The following TSNARE1 variants were observed in gnomAD, a reference collection of about 807,000 sequenced individuals.
TSNARE1 encodes t-SNARE domain containing 1.
Under a neutral mutation model 62.0 loss-of-function variants are expected in TSNARE1, and 49 were observed. The ratio of observed to expected loss-of-function variants is 0.79; its 90% CI spans 0.63 to 1.00. The LOEUF (loss-of-function observed/expected upper bound fraction) is 1.00. Among genes scored for constraint, TSNARE1 ranks in the 50% least tolerant of loss-of-function variants. TSNARE1 has a pLI of 0.00. For missense variants in TSNARE1, 755 were observed against 700.1 expected, an observed-to-expected ratio of 1.08 and a Z score of -0.88; for synonymous variants, 328 against 294.4, an observed-to-expected ratio of 1.11 and a Z score of -1.17.
chr8:142,278,498 G>T, intron 11 of TSNARE1: 2 of 985,434 alleles, frequency 2.0e-6, no homozygotes, highest in Non-Finnish European at 2.4e-6. Context: ...GCTCTGCTTC[G>T]AAGGGTGTGC....
At chr8:142,310,493 A>G (rs1022633809) in intron 9 of TSNARE1, among the ~76,000 whole-genome samples, 23 of 151,340 alleles carry the variant, frequency 1.5e-4, no homozygotes, top group African/African-American at 5.6e-4. Flanking sequence ...CTCTGAGATC[A>G]CTCCTTTTCC....
chr8:142,309,044 T>G (rs1394792545), intron 9 of TSNARE1, among the ~76,000 whole-genome samples: 1 of 152,220 alleles, frequency 6.6e-6, no homozygotes, highest in Non-Finnish European at 1.5e-5. Flanking sequence ...TTGAAGAAAT[T>G]TATCTATTGT....
chr8:142,278,450 C>T, intron 11 of TSNARE1: 1 of 985,460 alleles, frequency 1.0e-6, no homozygotes, highest in African/African-American at 1.7e-5. Flanking sequence ...TTCCCAAAGT[C>T]CTTCCAGCAG....
intron 7 of TSNARE1, 91 bp downstream of exon 7, chr8:142,318,453 G>A: frequency 7.7e-7 from 1 of 1,304,400 alleles, no homozygotes; most frequent in Non-Finnish European, 1.1e-6. Flanking sequence ...CAGCCTCCCT[G>A]TATCCTGCCT....
At position 142,300,622 on chromosome 8, in the gene TSNARE1, T is replaced by G; in HGVS notation, c.1154A>C (p.Glu385Ala). The G allele has an allele frequency of 6.2e-7, 1 of 1,613,676 alleles. No homozygotes were observed. The highest frequency in any genetic ancestry group is 8.5e-7 in the Non-Finnish European group (1 of 1,179,928). Residue 385 changes from glutamate to alanine, a missense_variant, in exon 10 of 14, where the codon GAG becomes GCG. Transcript: ENST00000524325. ...SKQSPQAPFA[E>A]LADDEKVFNG... is the part of the protein sequence containing the mutation. ...AAAGACCTTCTCATCATCAGCCAGC[T>G]CGGCAAACGGGGCCTGGGGACTCTG...
At chr8:142,306,875 GC>G (rs1187917387) in intron 9 of TSNARE1, among the ~76,000 whole-genome samples, 2 of 152,178 alleles carry the variant, frequency 1.3e-5, no homozygotes, top group African/African-American at 4.8e-5. Flanking sequence ...AAAGGATATA[GC>G]TCTATGACTG....
rs1010951595 is a variant in TSNARE1 at position 142,392,676 on chromosome 8, T to C, written c.-40+10428A>G. Among the ~76,000 whole-genome samples the C allele has an allele frequency of 2.0e-5, 3 of 152,194 alleles. No individual in the cohort carries two copies. In the East Asian group the frequency reaches 5.8e-4, roughly 29 times the overall value. On this transcript the variant is annotated intron_variant, in intron 1 of 13. Transcript: ENST00000524325. ...GAGGCCAGGCATGGTGGCTCACACCTGTAATCCCAGCACTTCAGGAGGCCG... is the reference window on the plus strand; with the variant it reads ...GAGGCCAGGCATGGTGGCTCACACCCGTAATCCCAGCACTTCAGGAGGCCG...
chr8:142,292,674 G>A (rs1272991109), intron 10 of TSNARE1, among the ~76,000 whole-genome samples: 1 of 152,140 alleles, frequency 6.6e-6, no homozygotes, highest in Non-Finnish European at 1.5e-5. Flanking sequence ...GGACAGGGAA[G>A]GAGAGCAGAC....
At position 142,319,927 on chromosome 8, in the gene TSNARE1, C is replaced by T. The variant is rs1208887227; in HGVS notation, c.894-1293G>A. Among the ~76,000 whole-genome samples, 1 of 152,176 alleles carries T rather than the reference C, an allele frequency of 6.6e-6. No individual in the cohort carries two copies. Among genetic ancestry groups the T allele is most frequent in the Admixed American group, 6.5e-5 (1 of 15,284 alleles). ...CCCGGGGCCTTGGTCAGGGCCGCCT[C>T]CTCCTGCAGCTGGCGTCTGAGGCTT... On this transcript the variant is annotated intron_variant, in intron 6 of 13. Coordinates refer to ENST00000524325, the MANE Select transcript of TSNARE1 (RefSeq NM_145003.5). This position sits in a 1 kb window ranked among gnomAD's most constrained non-coding sequence, Gnocchi z 4.9.
At chr8:142,397,483 T>C (rs572087127) in intron 1 of TSNARE1, among the ~76,000 whole-genome samples, 3 of 152,168 alleles carry the variant, frequency 2.0e-5, no homozygotes, top group Non-Finnish European at 4.4e-5. Context: ...CCAAGTGACA[T>C]GGCCAGGGTC....
intron 12 of TSNARE1, among the ~76,000 whole-genome samples, chr8:142,238,659 C>A (rs1817549150): frequency 6.6e-6 from 1 of 152,028 alleles, no homozygotes. Flanking sequence ...CCTCCTGCCT[C>A]ACCTCCCCAG....
rs868524650 is a variant in TSNARE1 at position 142,288,725 on chromosome 8, G to A, written c.1291-4240C>T. ...GGCTGGGGCTGCTGCCGGGGCTCCC[G>A]CCCACTCACTGCTAGACTCAGCAGA... On this transcript the variant is annotated intron_variant, in intron 10 of 13. Transcript: ENST00000524325. Among the ~76,000 whole-genome samples the A allele has an allele frequency of 4.6e-5, 7 of 152,370 alleles. No individual in the cohort carries two copies. In the South Asian group the frequency reaches 1.0e-3, roughly 23 times the overall value.
intron 13 of TSNARE1, among the ~76,000 whole-genome samples, chr8:142,217,922 A>G (rs976922358): frequency 8.3e-5 from 3 of 36,036 alleles, no homozygotes; most frequent in Admixed American, 2.9e-4. Flanking sequence ...CAGAGTGTGA[A>G]CAGGATCAGG....
intron 11 of TSNARE1, among the ~76,000 whole-genome samples, chr8:142,282,788 TCAGTGTCTGCCAATGAGCAGAGGCGGGAC>T (rs1821830261): frequency 9.2e-6 from 1 of 109,052 alleles, no homozygotes; most frequent in Non-Finnish European, 1.9e-5. Flanking sequence ...AGAGGCGGGG[TCAGTGTCTGCCAATGAGCAGAGGCGGGAC>T]CAGTGTCTGT....
chr8:142,310,828 A>C (rs1420673450), intron 9 of TSNARE1, among the ~76,000 whole-genome samples: 1 of 152,034 alleles, frequency 6.6e-6, no homozygotes, highest in Non-Finnish European at 1.5e-5. Context: ...TTATCATGCT[A>C]TGACCAAGGG....
In TSNARE1 at chr8:142,319,905, G is replaced by A. The variant is rs1001355083; in HGVS notation, c.894-1271C>T. 6.6e-6 allele frequency among the ~76,000 whole-genome samples: 1 copy of A among 152,174 alleles called. No individual in the cohort carries two copies. The highest frequency in any genetic ancestry group is 1.5e-5 in the Non-Finnish European group (1 of 68,018). On this transcript the variant is annotated intron_variant, in intron 6 of 13. Coordinates refer to ENST00000524325, the MANE Select transcript of TSNARE1 (RefSeq NM_145003.5). This position sits in a 1 kb window ranked among gnomAD's most constrained non-coding sequence, Gnocchi z 4.9. ...CGCGGGGACAGGAGCTTTCTTCCCC[G>A]GGGCCTTGGTCAGGGCCGCCTCCTC...
At chr8:142,274,406 TC>T (rs1025194478) in intron 12 of TSNARE1, 1 of 985,196 alleles carries the variant, frequency 1.0e-6, no homozygotes, top group Non-Finnish European at 1.2e-6. Flanking sequence ...AACCACAAAG[TC>T]CCCTCTGCAG....
intron 1 of TSNARE1, among the ~76,000 whole-genome samples, chr8:142,376,503 G>T (rs1836354541): frequency 6.6e-6 from 1 of 152,180 alleles, no homozygotes; most frequent in African/African-American, 2.4e-5. Flanking sequence ...TCCACCATGT[G>T]TGGGCACAGC....
chr8:142,271,047 T>G, intron 12 of TSNARE1: 1 of 985,866 alleles, frequency 1.0e-6, no homozygotes. Flanking sequence ...CTGGAGGCCC[T>G]GCTCCTGCCC....
Sources: gnomAD v4.1 joint callset for allele counts (sites outside exome capture counted in the v4.1 genomes callset) on GRCh38, gnomAD v4.1.1 for gene constraint, Gnocchi (gnomAD v3.1) non-coding constraint, MANE v1.5 for transcripts, NCBI Gene and HGNC (gene_info 2026-07-23, HGNC 2026-07-21) for gene names.